Variants in ADAM12 observed in about 807,000 individuals in gnomAD.
ADAM12 encodes the protein ADAM metallopeptidase domain 12.
Under a neutral mutation model 106.4 loss-of-function variants are expected in ADAM12, and 70 were observed. That is an observed-to-expected ratio of 0.66 (90% confidence interval 0.54 to 0.80). The LOEUF (loss-of-function observed/expected upper bound fraction) is 0.80, where lower values mean the gene tolerates loss of function less well. Among genes scored for constraint, ADAM12 ranks in the 30% least tolerant of loss-of-function variants. The probability of loss-of-function intolerance (pLI) is 0.00; values close to 1 mark genes in which losing one functional copy is unlikely to be tolerated. For synonymous variants in ADAM12, 420 were observed against 433.5 expected (o/e 0.97, Z 0.39); for missense variants, 1,010 against 1,171.9 (o/e 0.86, Z 2.02).
intron 2 of ADAM12, among the ~76,000 whole-genome samples, chr10:126,327,794 A>T (rs1338653468): frequency 6.6e-6 from 1 of 152,206 alleles, no homozygotes; most frequent in East Asian, 1.9e-4. Flanking sequence ...TACCAGAGAA[A>T]GAAGGTCACA....
At chr10:126,322,476 G>T (rs1169799380) in intron 2 of ADAM12, among the ~76,000 whole-genome samples, 1 of 152,210 alleles carries the variant, frequency 6.6e-6, no homozygotes, top group African/African-American at 2.4e-5. Context: ...AGAAGAGGGT[G>T]GCGCTGGCAT....
Position 126,159,584 on chromosome 10 carries a change from G to T in ADAM12, c.261-4279C>A, listed in dbSNP as rs541029277. Among the ~76,000 whole-genome samples, 4 of 152,204 alleles carry T rather than the reference G, an allele frequency of 2.6e-5. No individual in the cohort carries two copies. The South Asian group carries it at 8.3e-4, about 32-fold the overall frequency. On this transcript the variant is annotated intron_variant, in intron 3 of 22. Transcript: ENST00000448723. ...TAGAACAAAGATACATCATTCGAAG[G>T]CTTCTGACCAGGCTTAACTGAAAGC...
intron 11 of ADAM12, among the ~76,000 whole-genome samples, chr10:126,078,381 C>T (rs6597736): frequency 0.3 from 46,077 of 151,934 alleles, 7,164 homozygotes; most frequent in South Asian, 0.42. Flanking sequence ...TGTGCCCACC[C>T]TCCTATCTCA....
intron 21 of ADAM12, among the ~76,000 whole-genome samples, chr10:126,029,957 G>A (rs571723441): frequency 6.6e-6 from 1 of 152,250 alleles, no homozygotes; most frequent in South Asian, 2.1e-4. Context: ...ATTTCTAAAT[G>A]CATATGACTT....
chr10:126,179,583 C>T (rs747185116), intron 3 of ADAM12, among the ~76,000 whole-genome samples: 5 of 152,174 alleles, frequency 3.3e-5, no homozygotes, highest in Non-Finnish European at 7.3e-5. Flanking sequence ...GTACTACCTG[C>T]CTGTCTTTTG....
chr10:126,026,209 A>G (rs1953869966), intron 21 of ADAM12, among the ~76,000 whole-genome samples: 2 of 152,238 alleles, frequency 1.3e-5, no homozygotes, highest in African/African-American at 2.4e-5. Flanking sequence ...TTCTGACAAA[A>G]CAGACTTTAA....
Position 126,141,857 on chromosome 10 carries a change from C to T in ADAM12, c.340-6197G>A, listed in dbSNP as rs114058869. The stretch of plus-strand genomic sequence containing the variant: ...GTAGGGTCTTCCCAGACTCCTTGCC[C>T]TATGCAATGAGCCAAACTATCTTGA... On this transcript the variant is annotated intron_variant, in intron 4 of 22. Transcript: ENST00000448723. Among the ~76,000 whole-genome samples the T allele has an allele frequency of 9.6e-3, 1,469 of 152,320 alleles. 17 individuals are homozygous for T. Among genetic ancestry groups the T allele is most frequent in the African/African-American group, 0.03 (1,234 of 41,558 alleles).
At chr10:126,084,712 C>G (rs1359842198) in intron 11 of ADAM12, among the ~76,000 whole-genome samples, 1 of 152,208 alleles carries the variant, frequency 6.6e-6, no homozygotes, top group Admixed American at 6.5e-5. Flanking sequence ...ACTGAAGTTA[C>G]CACCAGGGCA....
At chr10:126,035,258 C>T (rs1005670240) in intron 21 of ADAM12, among the ~76,000 whole-genome samples, 4 of 152,084 alleles carry the variant, frequency 2.6e-5, no homozygotes, top group African/African-American at 9.7e-5. Flanking sequence ...AATCTTTCAA[C>T]CCAATATTTT....
chr10:126,029,462 A>G lies in ADAM12; in HGVS notation c.2529+6684T>C, dbSNP rs558088389. On this transcript the variant is annotated intron_variant, in intron 21 of 22. Coordinates refer to ENST00000448723, the MANE Select transcript of ADAM12 (RefSeq NM_001288973.2). Reference sequence around the variant, plus strand: ...AGAGACATGGATGGAGCTGGAGGCCATTATCCTCAGCAAACTAATGCAGGA... The same window carrying G: ...AGAGACATGGATGGAGCTGGAGGCCGTTATCCTCAGCAAACTAATGCAGGA... Among the ~76,000 whole-genome samples the G allele has an allele frequency of 3.3e-5, 5 of 152,342 alleles. No homozygotes were observed. In the East Asian group the frequency reaches 7.7e-4, roughly 23 times the overall value.
intron 18 of ADAM12, chr10:126,041,228 A>C: frequency 1.7e-6 from 1 of 601,638 alleles, no homozygotes; most frequent in South Asian, 7.4e-5. Context: ...TGTGGCAGAC[A>C]CACAAGTACT....
intron 2 of ADAM12, among the ~76,000 whole-genome samples, chr10:126,293,140 G>A (rs1016906982): frequency 8.5e-5 from 13 of 152,212 alleles, no homozygotes; most frequent in East Asian, 3.9e-4. Flanking sequence ...CAAAGTGGGC[G>A]CCATCCAGTG....
chr10:126,356,182 C>T (rs1019669267), intron 1 of ADAM12, among the ~76,000 whole-genome samples: 4 of 152,216 alleles, frequency 2.6e-5, no homozygotes, highest in Admixed American at 6.5e-5. Context: ...AATGACTCCA[C>T]CTAACCCCAG....
intron 5 of ADAM12, 185 bp downstream of exon 5, chr10:126,135,399 C>G (rs1391862014): frequency 3.4e-6 from 2 of 590,146 alleles, no homozygotes; most frequent in Non-Finnish European, 6.0e-6. Flanking sequence ...GGCTAAGATC[C>G]TGGGTGGCCA....
chr10:126,044,623 A>G (rs574510904), intron 17 of ADAM12, among the ~76,000 whole-genome samples: 40 of 152,360 alleles, frequency 2.6e-4, no homozygotes, highest in Admixed American at 2.3e-3. Flanking sequence ...TTTTAAGGCA[A>G]AATAAAATGC....
rs145629858 is a variant in ADAM12, at chr10:126,014,312, G to GTTTTTTTTTTTTTT, written c.*2966_*2967insAAAAAAAAAAAAAA. ...AGAACATTTTGACACAGTTTTAGCC[G>GTTTTTTTTTTTTTT]GTTTTTTTTTTTTTTTTTTTTTTTT... On this transcript the variant is annotated 3_prime_UTR_variant, in exon 23 of 23. Coordinates refer to ENST00000448723, the MANE Select transcript of ADAM12 (RefSeq NM_001288973.2). 3 of 87,672 alleles carry GTTTTTTTTTTTTTT rather than the reference G, an allele frequency of 3.4e-5. No homozygotes were observed. Among genetic ancestry groups the GTTTTTTTTTTTTTT allele is most frequent in the African/African-American group, 1.3e-4 (3 of 23,880 alleles). 5.4% of individuals were successfully genotyped at this position (87,672 alleles called of 1,614,324 possible).
chr10:126,060,123 A>G (rs1176513763), intron 14 of ADAM12, among the ~76,000 whole-genome samples: 1 of 152,240 alleles, frequency 6.6e-6, no homozygotes, highest in Non-Finnish European at 1.5e-5. Context: ...AACAAAAACA[A>G]TTAGAACAAC....
At chr10:126,100,743 CA>C (rs1955648271) in intron 9 of ADAM12, among the ~76,000 whole-genome samples, 1 of 151,608 alleles carries the variant, frequency 6.6e-6, no homozygotes, top group Non-Finnish European at 1.5e-5. Flanking sequence ...AAAAACAAAA[CA>C]AAAAAATAGG....
intron 3 of ADAM12, among the ~76,000 whole-genome samples, chr10:126,277,898 T>C (rs1959347570): frequency 6.6e-6 from 1 of 152,198 alleles, no homozygotes; most frequent in Admixed American, 6.5e-5. Context: ...GGCTGGCTGT[T>C]GATTGACTGT....
Sources: allele counts gnomAD v4.1 joint callset (sites outside exome capture counted in the v4.1 genomes callset), GRCh38; gene constraint gnomAD v4.1.1; transcripts MANE v1.5; gene names NCBI Gene and HGNC (gene_info 2026-07-23, HGNC 2026-07-21).